Variants in KLHL29 observed in about 807,000 individuals in gnomAD.
KLHL29 encodes the protein kelch-like protein 29.
A neutral mutation model predicts 80.4 loss-of-function variants in KLHL29; 21 were observed. The observed-to-expected ratio is 0.26, with a 90% confidence interval of 0.19 to 0.38. KLHL29 has a LOEUF of 0.38. Ranked by LOEUF, KLHL29 falls within the 10% of genes least tolerant of loss-of-function variation. The pLI is 1.00. For missense variants in KLHL29, 867 were observed against 1,223.9 expected (o/e 0.71, Z 4.35); for synonymous variants, 511 against 526.8 (o/e 0.97, Z 0.41).
intron 1 of KLHL29, among the ~76,000 whole-genome samples, chr2:23,472,092 ACTGT>A (rs1400012821): frequency 8.8e-6 from 1 of 113,346 alleles, no homozygotes; most frequent in Non-Finnish European, 1.6e-5. Flanking sequence ...TCCAAAAGAT[ACTGT>A]CTATTAAGCC....
chr2:23,573,363 C>T (rs1009182531), intron 3 of KLHL29, among the ~76,000 whole-genome samples: 9 of 152,118 alleles, frequency 5.9e-5, no homozygotes, highest in Non-Finnish European at 1.3e-4. Context: ...TTTTTAAATC[C>T]TCATTATAAC....
chr2:23,567,049 G>A (rs1284171930), intron 3 of KLHL29, among the ~76,000 whole-genome samples: 2 of 152,182 alleles, frequency 1.3e-5, no homozygotes, highest in African/African-American at 4.8e-5. Flanking sequence ...TGTGTGTCTG[G>A]GCTGTAAATG....
intron 2 of KLHL29, among the ~76,000 whole-genome samples, chr2:23,511,985 C>T (rs1665786304): frequency 6.6e-6 from 1 of 152,102 alleles, no homozygotes; most frequent in African/African-American, 2.4e-5. Context: ...TGACAGGAGA[C>T]CACACAGAGA....
chr2:23,511,722 C>T (rs1189240391), intron 2 of KLHL29, among the ~76,000 whole-genome samples: 2 of 152,178 alleles, frequency 1.3e-5, no homozygotes, highest in African/African-American at 4.8e-5. Flanking sequence ...CGGTGCCTGA[C>T]ACATCGTCAC....
intron 1 of KLHL29, among the ~76,000 whole-genome samples, chr2:23,463,566 T>C (rs1168569398): frequency 6.6e-6 from 1 of 152,202 alleles, no homozygotes; most frequent in Non-Finnish European, 1.5e-5. Flanking sequence ...GGCTGTTTGG[T>C]AGCCTATGTC....
At chr2:23,643,087 A>G (rs1204705760) in intron 5 of KLHL29, 1 of 667,988 alleles carries the variant, frequency 1.5e-6, no homozygotes, top group South Asian at 1.6e-5. Flanking sequence ...GGGTAAGAAG[A>G]GGAAGGAAGG....
chr2:23,483,308 A>G (rs1467618441), intron 2 of KLHL29, among the ~76,000 whole-genome samples: 2 of 152,230 alleles, frequency 1.3e-5, no homozygotes, highest in Non-Finnish European at 2.9e-5. Flanking sequence ...TGTGCAGGGA[A>G]CACTAGGCAA....
intron 1 of KLHL29, among the ~76,000 whole-genome samples, chr2:23,409,441 T>A (rs1260389177): frequency 1.3e-5 from 2 of 152,212 alleles, no homozygotes; most frequent in African/African-American, 2.4e-5. Context: ...AATGTTCTGA[T>A]GGTGTGCGTT....
rs973796437 is a variant in KLHL29, at chr2:23,562,924, A to G, written c.285+443A>G. Among the ~76,000 whole-genome samples, 1 of 152,164 alleles carries G rather than the reference A, an allele frequency of 6.6e-6. No individual in the cohort carries two copies. Among genetic ancestry groups the G allele is most frequent in the Middle Eastern group, 3.2e-3 (1 of 316 alleles). On this transcript the variant is annotated intron_variant, in intron 3 of 13. Transcript: ENST00000486442. The surrounding 1 kb of genome is among the most constrained non-coding windows in gnomAD (Gnocchi z 4.5). ...GTGATAAACCCACACTTTATTAACC[A>G]CTGGGCCTCGTGTTCTCATATCCGT...
At chr2:23,640,644 C>T (rs1669741833) in intron 4 of KLHL29, among the ~76,000 whole-genome samples, 1 of 152,208 alleles carries the variant, frequency 6.6e-6, no homozygotes, top group Admixed American at 6.5e-5. Context: ...TGTTGGCTTC[C>T]AGTTCTCCCC....
At chr2:23,585,869 T>A (rs1025870309) in intron 3 of KLHL29, among the ~76,000 whole-genome samples, 1 of 152,178 alleles carries the variant, frequency 6.6e-6, no homozygotes, top group African/African-American at 2.4e-5. Context: ...GCACTTTATT[T>A]GCTCTACCAC....
At chr2:23,613,998 A>G (rs1296245472) in intron 3 of KLHL29, among the ~76,000 whole-genome samples, 2 of 152,172 alleles carry the variant, frequency 1.3e-5, no homozygotes, top group African/African-American at 4.8e-5. Flanking sequence ...CTCCCTCACA[A>G]GGAATTTCCT....
intron 1 of KLHL29, among the ~76,000 whole-genome samples, chr2:23,397,990 ACC>A (rs34639379): frequency 0.26 from 40,212 of 152,126 alleles, 6,613 homozygotes; most frequent in South Asian, 0.37. Context: ...AGAAACTGCA[ACC>A]CTTATGCACT....
intron 3 of KLHL29, among the ~76,000 whole-genome samples, chr2:23,611,884 C>CA (rs61102659): frequency 0.029 from 3,682 of 127,776 alleles, 145 homozygotes; most frequent in African/African-American, 0.1. Flanking sequence ...CAGATGCAAC[C>CA]AAAAAAAAAA....
intron 1 of KLHL29, among the ~76,000 whole-genome samples, chr2:23,474,606 G>A (rs1204678306): frequency 6.6e-6 from 1 of 152,080 alleles, no homozygotes; most frequent in Non-Finnish European, 1.5e-5. Context: ...TATTTGATAT[G>A]GATCACGTGC....
chr2:23,564,203 G>A (rs1259869303), intron 3 of KLHL29, among the ~76,000 whole-genome samples: 1 of 152,206 alleles, frequency 6.6e-6, no homozygotes, highest in Non-Finnish European at 1.5e-5. Context: ...GGAGGGGCTC[G>A]GTGCTGGGGC....
At chr2:23,553,209 C>T (rs1667173668) in intron 2 of KLHL29, among the ~76,000 whole-genome samples, 1 of 152,226 alleles carries the variant, frequency 6.6e-6, no homozygotes, top group South Asian at 2.1e-4. Flanking sequence ...GCAACAGGAC[C>T]TGGTTAGGTG....
chr2:23,570,067 G>A (rs577427319), intron 3 of KLHL29, among the ~76,000 whole-genome samples: 8 of 152,274 alleles, frequency 5.3e-5, no homozygotes, highest in African/African-American at 1.7e-4. Flanking sequence ...TCAACTAGTC[G>A]TGGCATATTA....
intron 1 of KLHL29, among the ~76,000 whole-genome samples, chr2:23,454,294 C>A (rs539448087): frequency 6.6e-6 from 1 of 152,262 alleles, no homozygotes; most frequent in East Asian, 1.9e-4. Flanking sequence ...ACCTCCCCTC[C>A]CCTCCTGTCA....
Sources: gnomAD v4.1 joint callset for allele counts (sites outside exome capture counted in the v4.1 genomes callset) on GRCh38, gnomAD v4.1.1 for gene constraint, Gnocchi (gnomAD v3.1) non-coding constraint, MANE v1.5 for transcripts, NCBI Gene and HGNC (gene_info 2026-07-23, HGNC 2026-07-21) for gene names.